The following CD300LG variants were observed in gnomAD, a reference collection of about 807,000 sequenced individuals.
CD300LG encodes the protein CMRF35-like molecule 9.
Under a neutral mutation model 31.5 loss-of-function variants are expected in CD300LG, and 29 were observed. The observed-to-expected ratio is 0.92, with a 90% CI of 0.68 to 1.25. The LOEUF (loss-of-function observed/expected upper bound fraction) is 1.25. CD300LG is among the 50% of genes most tolerant of loss of function. The probability of loss-of-function intolerance (pLI) is 0.00; values close to 1 mark genes in which losing one functional copy is unlikely to be tolerated. For synonymous variants in CD300LG, 175 were observed against 177.2 expected (o/e 0.99, Z 0.10); for missense variants, 396 against 417.6 (o/e 0.95, Z 0.45).
Position 43,861,840 on chromosome 17 carries a change from G to C in CD300LG, c.928G>C (p.Asp310His), listed in dbSNP as rs774713944. 1 of 1,612,768 alleles carries C rather than the reference G, an allele frequency of 6.2e-7. No individual in the cohort carries two copies. The highest frequency in any genetic ancestry group is 1.1e-5 in the South Asian group (1 of 90,880). The part of the protein sequence containing the change: ...KEAPSQAPEG[D>H]VISMPPLHTS... Reference sequence around the variant, plus strand: ...AGCCCCTTCCCAGGCCCCTGAGGGGGACGTGATCTCGATGCCTCCCCTCCA... The same window carrying C: ...AGCCCCTTCCCAGGCCCCTGAGGGGCACGTGATCTCGATGCCTCCCCTCCA... The change falls in exon 7 of 7, where the codon GAC becomes CAC. Residue 310 changes from aspartate (D) to histidine (H), a missense_variant. Transcript: ENST00000317310.
intron 3 of CD300LG, 105 bp downstream of exon 3, chr17:43,853,118 GTC>G: frequency 3.2e-6 from 3 of 924,494 alleles, no homozygotes; most frequent in South Asian, 1.7e-5. Context: ...CCACCTAGGT[GTC>G]CCCACAAGCC....
chr17:43,861,327 GA>G, intron 6 of CD300LG: 1 of 972,730 alleles, frequency 1.0e-6, no homozygotes, highest in Non-Finnish European at 1.2e-6. Flanking sequence ...ACAATTAGAG[GA>G]AGTGGAAGGA....
At position 43,847,322 on chromosome 17, in the gene CD300LG, G is replaced by C. The variant is rs2046211201; in HGVS notation, c.43+63G>C. ...TCACCCTTGTGGTCTGCAGGGAAAG[G>C]ACCTCTTGACTGACTGATAGCCCCA... On this transcript the variant is annotated intron_variant, in intron 1 of 6. Coordinates refer to ENST00000317310, the MANE Select transcript of CD300LG (RefSeq NM_145273.4). The C allele has an allele frequency of 7.3e-6, 11 of 1,500,360 alleles. No individual in the cohort carries two copies. The South Asian group carries it at 1.1e-4, about 15-fold the overall frequency. The allele number at this position is 1,500,360 out of a possible 1,614,324, so 92.9% of individuals were successfully genotyped here.
chr17:43,854,931 TTTA>T (rs2046469293), intron 4 of CD300LG, among the ~76,000 whole-genome samples: 2 of 151,722 alleles, frequency 1.3e-5, no homozygotes, highest in African/African-American at 4.9e-5. Flanking sequence ...CCCTGGGAGG[TTTA>T]GTCACTTATC....
intron 6 of CD300LG, among the ~76,000 whole-genome samples, chr17:43,860,440 C>A (rs1255926577): frequency 6.6e-6 from 1 of 152,268 alleles, no homozygotes; most frequent in Non-Finnish European, 1.5e-5. Flanking sequence ...AACCCCAGGG[C>A]AGCCTGTGGC....
chr17:43,851,335 A>G (rs1331490087), intron 2 of CD300LG, among the ~76,000 whole-genome samples: 1 of 152,206 alleles, frequency 6.6e-6, no homozygotes, highest in Non-Finnish European at 1.5e-5. Context: ...AGCATCACAC[A>G]CACAAAGGAA....
intron 6 of CD300LG, chr17:43,858,549 G>C (rs778489638): frequency 8.1e-6 from 8 of 985,456 alleles, no homozygotes; most frequent in Non-Finnish European, 9.6e-6. Flanking sequence ...AAGGGGCACA[G>C]GGCCAGCAGG....
At chr17:43,854,645 A>G (rs1258802678) in intron 4 of CD300LG, among the ~76,000 whole-genome samples, 2 of 152,114 alleles carry the variant, frequency 1.3e-5, no homozygotes, top group Non-Finnish European at 1.5e-5. Flanking sequence ...TAAGAATGCC[A>G]GGATGCCCCA....
At chr17:43,854,724 G>C (rs1297588906) in intron 4 of CD300LG, among the ~76,000 whole-genome samples, 2 of 152,072 alleles carry the variant, frequency 1.3e-5, no homozygotes, top group East Asian at 1.9e-4. Context: ...ATGACCTAAC[G>C]AGTCGCTCAT....
intron 1 of CD300LG, among the ~76,000 whole-genome samples, chr17:43,848,246 A>G (rs774491209): frequency 1.6e-4 from 24 of 151,346 alleles, no homozygotes; most frequent in Non-Finnish European, 2.5e-4. Flanking sequence ...CATCTCAAAA[A>G]CAAACAAACA....
intron 6 of CD300LG, chr17:43,861,140 G>T (rs988652717): frequency 1.0e-6 from 1 of 985,270 alleles, no homozygotes; most frequent in African/African-American, 1.7e-5. Flanking sequence ...ACAGCCACTG[G>T]GGAATGGCCG....
At position 43,848,624 on chromosome 17, in the gene CD300LG, G is replaced by A; in HGVS notation, c.110G>A (p.Cys37Tyr). Residue 37 changes from cysteine to tyrosine, a missense_variant, in exon 2 of 7, where the codon TGC becomes TAC. Transcript: ENST00000317310. Reference protein sequence around the residue: ...GFEGDTVSLQCTYREELRDHR... With the variant: ...GFEGDTVSLQYTYREELRDHR... The stretch of plus-strand genomic sequence containing the variant: ...GAAGGGGACACTGTGTCCCTGCAGT[G>A]CACCTACAGGGAAGAGCTGAGGGAC... The A allele has an allele frequency of 6.2e-7, 1 of 1,614,038 alleles. No homozygotes were observed. Among genetic ancestry groups the A allele is most frequent in the Non-Finnish European group, 8.5e-7 (1 of 1,179,904 alleles).
intron 5 of CD300LG, among the ~76,000 whole-genome samples, chr17:43,856,343 T>A (rs2046519809): frequency 6.6e-6 from 1 of 152,142 alleles, no homozygotes; most frequent in Non-Finnish European, 1.5e-5. Context: ...AACCAAAATC[T>A]CAGTAATAAG....
rs146125903 is a variant in CD300LG at position 43,855,217 on chromosome 17, C to T, written c.730C>T (p.Pro244Ser). 1 of 1,605,824 alleles carries T rather than the reference C, an allele frequency of 6.2e-7. No individual in the cohort carries two copies. Among genetic ancestry groups the T allele is most frequent in the Non-Finnish European group, 8.5e-7 (1 of 1,176,720 alleles). Reference sequence around the variant, plus strand: ...GCGTCTCGTCTCCAGGGTGTCCATCCCGATGGTCCGCATACTGGCCCCAGT... The same window carrying T: ...GCGTCTCGTCTCCAGGGTGTCCATCTCGATGGTCCGCATACTGGCCCCAGT... ...SGSSKPRVSI[P>S]MVRILAPVLV... The change falls in exon 5 of 7, where the codon CCG (proline) becomes TCG (serine). Residue 244 changes from proline (P) to serine (S), a missense_variant. Physicochemically the swap from Pro to Ser is moderately conservative, Grantham distance 74. Transcript: ENST00000317310.
At chr17:43,855,095 T>A in intron 4 of CD300LG, 112 bp from the exon 5 acceptor site, 1 of 191,340 alleles carries the variant, frequency 5.2e-6, no homozygotes, top group East Asian at 2.4e-4. Flanking sequence ...CTGCATTGAA[T>A]TGGATTCCAC....
rs1349387700 is a variant in CD300LG, at chr17:43,857,948, C to T, written c.885+792C>T. The T allele has an allele frequency of 2.0e-6, 3 of 1,530,426 alleles. No homozygotes were observed. The African/African-American group carries it at 4.1e-5, about 21-fold the overall frequency. The allele number at this position is 1,530,426 out of a possible 1,614,324, so 94.8% of individuals were successfully genotyped here. On this transcript the variant is annotated intron_variant, in intron 6 of 6. Coordinates refer to ENST00000317310, the MANE Select transcript of CD300LG (RefSeq NM_145273.4). ...GAGCTGGGAACCTGCCCCAAGGCTA[C>T]TGCTGCAAGAAGAGACTGTGCCCTC... is the stretch of plus-strand genomic sequence containing the variant.
chr17:43,854,529 TGGG>T (rs992621544), intron 4 of CD300LG, among the ~76,000 whole-genome samples: 1 of 152,118 alleles, frequency 6.6e-6, no homozygotes, highest in African/African-American at 2.4e-5. Context: ...GGGTTGGCAA[TGGG>T]GGCGGGGATC....
chr17:43,855,291 C>T lies in CD300LG; in HGVS notation c.804C>T (p.Cys268=). 3.8e-6 allele frequency: 6 copies of T among 1,599,554 alleles called. No individual in the cohort carries two copies. The highest frequency in any genetic ancestry group is 5.1e-6 in the Non-Finnish European group (6 of 1,174,850). ...CAGCCGCAGGCCTGATCGCCTTCTG[C>T]AGCCACCTGCTCCTGTGGAGAAAGG... is the stretch of plus-strand genomic sequence containing the variant. ...LLSAAGLIAF[C]SHLLLWRKEA... Residue 268 remains cysteine (C), a synonymous_variant, in exon 5 of 7, where the codon TGC becomes TGT. Coordinates refer to ENST00000317310, the MANE Select transcript of CD300LG (RefSeq NM_145273.4).
rs994938323 is a variant in CD300LG, at chr17:43,862,363, A to G, written c.*452A>G. The G allele has an allele frequency of 6.6e-6, 1 of 152,254 alleles. No individual in the cohort carries two copies. Among genetic ancestry groups the G allele is most frequent in the African/African-American group, 2.4e-5 (1 of 41,334 alleles). The allele number at this position is 152,254 out of a possible 1,614,324, so 9.4% of individuals were successfully genotyped here. A position where few individuals can be genotyped will look rare whatever the true frequency, so the allele number is the denominator to read the frequency against. On this transcript the variant is annotated 3_prime_UTR_variant, in exon 7 of 7. Coordinates refer to ENST00000317310, the MANE Select transcript of CD300LG (RefSeq NM_145273.4). Reference sequence around the variant, plus strand: ...CGGTCTCCTGCATCAGCTGGTGATGAAGAGGAGCATGCTGGGGTGAGACTG... The same window carrying G: ...CGGTCTCCTGCATCAGCTGGTGATGGAGAGGAGCATGCTGGGGTGAGACTG...
Sources: allele counts gnomAD v4.1 joint callset (sites outside exome capture counted in the v4.1 genomes callset), GRCh38; gene constraint gnomAD v4.1.1; transcripts MANE v1.5; gene names NCBI Gene and HGNC (gene_info 2026-07-23, HGNC 2026-07-21).